The following ZNF878 variants were observed in gnomAD, a reference collection of about 807,000 sequenced individuals.
The protein encoded by ZNF878 is zinc finger protein 878.
ZNF878 carries 10 observed loss-of-function variants against 11.1 expected under a neutral mutation model. That is an observed-to-expected ratio of 0.90 (90% CI 0.56 to 1.53). ZNF878 has a LOEUF of 1.53. ZNF878 is among the 40% of genes most tolerant of loss of function. The probability of loss-of-function intolerance (pLI) is 0.00; values close to 1 mark genes in which losing one functional copy is unlikely to be tolerated. For synonymous variants in ZNF878, 165 were observed against 209.7 expected, an observed-to-expected ratio of 0.79 and a Z score of 1.84; for missense variants, 548 against 626.1, an observed-to-expected ratio of 0.88 and a Z score of 1.33.
chr19:12,046,503 A>C (rs1290473653), intron 2 of ZNF878, 75 bp from the exon 3 acceptor site: 2 of 1,557,740 alleles, frequency 1.3e-6, no homozygotes, highest in Admixed American at 3.6e-5. Context: ...TTCTATGTCC[A>C]TGGCTCATTG....
At chr19:12,052,754 C>T in intron 1 of ZNF878, 45 bp downstream of exon 1, 1 of 1,535,312 alleles carries the variant, frequency 6.5e-7, no homozygotes, top group Non-Finnish European at 8.7e-7. Context: ...CGGTTCCACC[C>T]AGTCCCTCCT....
At chr19:12,051,735 C>T (rs2080394560) in intron 1 of ZNF878, among the ~76,000 whole-genome samples, 2 of 152,142 alleles carry the variant, frequency 1.3e-5, no homozygotes, top group South Asian at 4.1e-4. Flanking sequence ...TGGTGAAACC[C>T]GTTTCTACTA....
intron 1 of ZNF878, among the ~76,000 whole-genome samples, chr19:12,049,139 CAA>C (rs1291167469): frequency 2.9e-4 from 20 of 68,510 alleles, no homozygotes; most frequent in Admixed American, 3.4e-4. Flanking sequence ...AGCTCCGTCT[CAA>C]AAAAAAAAAA....
At chr19:12,046,201 GA>G (rs1233465726) in intron 3 of ZNF878, 166 bp downstream of exon 3, 3 of 588,988 alleles carry the variant, frequency 5.1e-6, no homozygotes, top group Admixed American at 3.3e-5. Flanking sequence ...AAAAGGGCTG[GA>G]TTATACACAT....
intron 1 of ZNF878, among the ~76,000 whole-genome samples, chr19:12,048,286 A>T (rs1975514456): frequency 6.6e-6 from 1 of 151,036 alleles, no homozygotes; most frequent in Non-Finnish European, 1.5e-5. Flanking sequence ...TGGGAGGCCG[A>T]GGCGGGTGGA....
Position 12,046,727 on chromosome 19 carries a change from A to T in ZNF878, c.37T>A (p.Phe13Ile), listed in dbSNP as rs191234582. 5.7e-4 allele frequency: 915 copies of T among 1,614,018 alleles called. 2 individuals carry two copies. In the African/African-American group the frequency reaches 0.01, roughly 18 times the overall value. The part of the protein sequence containing the change: ...SVAFEDVAVN[F>I]TQEEWALLDP... ...AGCAAAGCCCACTCCTCCTGGGTGA[A>T]GTTCACAGCCACATCCTCAAAGGCC... is the stretch of plus-strand genomic sequence containing the variant. The change falls in exon 2 of 4, where the codon TTC becomes ATC. Residue 13 changes from phenylalanine (F) to isoleucine (I), a missense_variant. By Grantham distance (21) the Phe-to-Ile change is conservative. This residue lies in a region of ZNF878 where 160 missense variants were observed against 173.3 expected (regional missense o/e 0.92). Coordinates refer to ENST00000547628, the MANE Select transcript of ZNF878 (RefSeq NM_001080404.3).
chr19:12,045,174 T>C lies in ZNF878; in HGVS notation c.227A>G (p.Glu76Gly), dbSNP rs771352588. The change falls in exon 4 of 4, where the codon GAA (glutamate) becomes GGA (glycine). Residue 76 changes from glutamate (E) to glycine (G), a missense_variant. This residue lies in a region of ZNF878 where 160 missense variants were observed against 173.3 expected (regional missense o/e 0.92). Coordinates refer to ENST00000547628, the MANE Select transcript of ZNF878 (RefSeq NM_001080404.3). ...LIGERLSESK[E>G]SHQHGEVLTQ... ...CAAAACTTCTCCATGCTGATGACTT[T>C]CTTTACTTTCAGAGAGTCTCTCCCC... 4 of 1,611,372 alleles carry C rather than the reference T, an allele frequency of 2.5e-6. No homozygotes were observed.
In ZNF878 at chr19:12,045,071, G is replaced by A. The variant is rs535850801; in HGVS notation, c.330C>T (p.Ile110=). Residue 110 remains isoleucine (I), a synonymous_variant, in exon 4 of 4, where the codon ATC becomes ATT. Coordinates refer to ENST00000547628, the MANE Select transcript of ZNF878 (RefSeq NM_001080404.3). ...TATTAAGGGATGAAAGACCTATGCC[G>A]ATTTCTCCACACACACTGCTTTCAT... The part of the protein sequence containing the change: ...QSYESSVCGE[I]GIGLSSLNRH... 87 of 1,613,814 alleles carry A rather than the reference G, an allele frequency of 5.4e-5. No homozygotes were observed. Among genetic ancestry groups the A allele is most frequent in the East Asian group, 1.8e-4 (8 of 44,864 alleles).
intron 2 of ZNF878, 32 bp from the exon 3 acceptor site, chr19:12,046,460 A>G (rs750090725): frequency 5.0e-5 from 78 of 1,560,160 alleles, no homozygotes; most frequent in Non-Finnish European, 6.7e-5. Context: ...ATAGTCCTGA[A>G]TTAGTATAAA....
chr19:12,052,665 C>T lies in ZNF878; in HGVS notation c.3+134G>A, dbSNP rs1975562868. 21 of 1,126,094 alleles carry T rather than the reference C, an allele frequency of 1.9e-5. No individual in the cohort carries two copies. In the South Asian group the frequency reaches 3.4e-4, roughly 18 times the overall value. 69.8% of individuals were successfully genotyped at this position (1,126,094 alleles called of 1,614,324 possible). On this transcript the variant is annotated intron_variant, in intron 1 of 3. Transcript: ENST00000547628. ...CCCAGCGGCCGAGGGGACCGAGGGC[C>T]GAGCTGCGCTAGGGGGACTGTGTCT...
downstream of ZNF878, among the ~76,000 whole-genome samples, chr19:12,043,643 A>G (rs1003869176): frequency 3.9e-5 from 6 of 152,104 alleles, no homozygotes; most frequent in Non-Finnish European, 2.9e-5. Context: ...GTCTCACCAT[A>G]TTGCCCAAGC....
downstream of ZNF878, chr19:12,043,662 A>T (rs1975416663): frequency 2.6e-6 from 2 of 763,572 alleles, no homozygotes; most frequent in Middle Eastern, 3.4e-4. Flanking sequence ...GCTGGTCTCA[A>T]CCTCTTCAGC....
At chr19:12,046,269 G>T in intron 3 of ZNF878, 99 bp downstream of exon 3, 1 of 876,096 alleles carries the variant, frequency 1.1e-6, no homozygotes, top group Non-Finnish European at 1.7e-6. Flanking sequence ...TAAATACATT[G>T]GAACTAGGTT....
intron 1 of ZNF878, among the ~76,000 whole-genome samples, chr19:12,051,213 G>T (rs1016182253): frequency 6.6e-6 from 1 of 151,844 alleles, no homozygotes; most frequent in Admixed American, 6.6e-5. Flanking sequence ...CAGGAGAATC[G>T]CTTGAACCGG....
chr19:12,048,843 AAAAAGAAAAGAAAAAG>A (rs1369633481), intron 1 of ZNF878, among the ~76,000 whole-genome samples: 20 of 148,418 alleles, frequency 1.3e-4, no homozygotes, highest in Non-Finnish European at 2.5e-4. Context: ...AAAAAAAAAA[AAAAAGAAAAGAAAAAG>A]AAAAGAAAAG....
rs776744058 is a variant in ZNF878, at chr19:12,046,647, G to T, written c.117C>A (p.Asn39Lys). The stretch of plus-strand genomic sequence containing the variant: ...TGTCATTCTTACCTATGGAGGTCAG[G>T]TTCCTCAAGGTTTCCTGCATCACTT... Reference protein sequence around the residue: ...YREVMQETLRNLTSIGKKWNN... With the variant: ...YREVMQETLRKLTSIGKKWNN... Residue 39 changes from asparagine to lysine, a missense_variant, in exon 2 of 4, where the codon AAC becomes AAA. By Grantham distance (94) the Asn-to-Lys change is moderately conservative (BLOSUM62 0). Transcript: ENST00000547628. The T allele has an allele frequency of 4.3e-6, 7 of 1,613,906 alleles. No individual in the cohort carries two copies. In the South Asian group the frequency reaches 5.5e-5, roughly 13 times the overall value.
At chr19:12,049,460 C>A (rs868490378) in intron 1 of ZNF878, among the ~76,000 whole-genome samples, 9 of 36,032 alleles carry the variant, frequency 2.5e-4, no homozygotes, top group East Asian at 1.1e-3. Flanking sequence ...GACTCCCTCT[C>A]AAAAAAAAAA....
intron 1 of ZNF878, 21 bp from the exon 2 acceptor site, chr19:12,046,781 A>G: frequency 6.2e-7 from 1 of 1,613,416 alleles, no homozygotes; most frequent in East Asian, 2.2e-5. Flanking sequence ...CCACATGTGG[A>G]CAGGAGGATG....
chr19:12,045,325 G>T, intron 3 of ZNF878, 116 bp from the exon 4 acceptor site: 1 of 863,790 alleles, frequency 1.2e-6, no homozygotes, highest in Non-Finnish European at 1.7e-6. Context: ...TGTCCTGTCT[G>T]AACATGAATG....
Sources: gnomAD v4.1 joint callset for allele counts (sites outside exome capture counted in the v4.1 genomes callset) on GRCh38, gnomAD v4.1.1 for gene constraint, gnomAD v4.1.1 regional missense constraint, MANE v1.5 for transcripts, NCBI Gene and HGNC (gene_info 2026-07-23, HGNC 2026-07-21) for gene names.